Variants in PTPRG observed in about 807,000 individuals in gnomAD.
PTPRG encodes the protein receptor-type tyrosine-protein phosphatase gamma.
In PTPRG, 102 loss-of-function variants were observed where a neutral mutation model predicts 165.3. The ratio of observed to expected loss-of-function variants is 0.62; its 90% CI spans 0.53 to 0.73. The LOEUF is 0.73. Ranked by LOEUF, PTPRG falls within the 30% of genes least tolerant of loss-of-function variation. PTPRG has a pLI of 0.00. For synonymous variants in PTPRG, 675 were observed against 669.5 expected (o/e 1.01, Z -0.13); for missense variants, 1,866 against 1,861.4 (o/e 1.00, Z -0.05).
chr3:61,956,011 A>G (rs1413355815), intron 2 of PTPRG, among the ~76,000 whole-genome samples: 1 of 152,076 alleles, frequency 6.6e-6, no homozygotes, highest in Non-Finnish European at 1.5e-5. Context: ...CAAGTTCATT[A>G]TTTCTGGAGA....
chr3:62,040,027 G>T (rs1027394091), intron 4 of PTPRG, among the ~76,000 whole-genome samples: 2 of 152,146 alleles, frequency 1.3e-5, no homozygotes, highest in Non-Finnish European at 2.9e-5. Context: ...TTTTTTATAG[G>T]TAGTTACTTT....
intron 1 of PTPRG, among the ~76,000 whole-genome samples, chr3:61,671,975 T>C (rs77448848): frequency 0.15 from 2,396 of 15,860 alleles, no homozygotes; most frequent in East Asian, 0.26. Context: ...GGGTGGCTGC[T>C]GGGCGGAGGG....
At chr3:62,266,928 A>G (rs538723414) in intron 17 of PTPRG, among the ~76,000 whole-genome samples, 3 of 151,158 alleles carry the variant, frequency 2.0e-5, no homozygotes, top group African/African-American at 7.3e-5. Context: ...TAATGAGATT[A>G]CTCTTAACAA....
chr3:62,113,334 G>A (rs1182914596), intron 5 of PTPRG, among the ~76,000 whole-genome samples: 3 of 152,210 alleles, frequency 2.0e-5, no homozygotes, highest in Admixed American at 1.3e-4. Context: ...GCTGGAAACC[G>A]ATCAGCACCA....
chr3:61,776,421 C>T (rs1006079650), intron 2 of PTPRG, among the ~76,000 whole-genome samples: 1 of 152,046 alleles, frequency 6.6e-6, no homozygotes, highest in Non-Finnish European at 1.5e-5. Flanking sequence ...CCCTGCTGTG[C>T]GAAACACTCT....
intron 3 of PTPRG, among the ~76,000 whole-genome samples, chr3:62,001,386 C>G (rs1182551744): frequency 6.6e-6 from 1 of 152,142 alleles, no homozygotes. Context: ...TTATAAGATG[C>G]TGCTGATTCC....
At position 61,993,496 on chromosome 3, in the gene PTPRG, C is replaced by T. The variant is rs574359430; in HGVS notation, c.370+3692C>T. On this transcript the variant is annotated intron_variant, in intron 3 of 29. Transcript: ENST00000474889. Reference sequence around the variant, plus strand: ...TGCCTCCCAAAGTGCTGGGATTACACGCATGAGCCTCCGTGCCCGGCCCAC... The same window carrying T: ...TGCCTCCCAAAGTGCTGGGATTACATGCATGAGCCTCCGTGCCCGGCCCAC... 2.7e-3 allele frequency among the ~76,000 whole-genome samples: 405 copies of T among 151,980 alleles called. 2 individuals are homozygous for T. The highest frequency in any genetic ancestry group is 4.4e-3 in the Non-Finnish European group (297 of 67,964).
intron 1 of PTPRG, among the ~76,000 whole-genome samples, chr3:61,670,949 G>T (rs1449825724): frequency 1.3e-5 from 2 of 152,054 alleles, no homozygotes; most frequent in Admixed American, 6.6e-5. Context: ...AAGCCGGAGC[G>T]ATCAGGTTAG....
At position 62,059,175 on chromosome 3, in the gene PTPRG, G is replaced by A. The variant is rs377403010; in HGVS notation, c.520-18988G>A. Among the ~76,000 whole-genome samples, 92 of 152,268 alleles carry A rather than the reference G, an allele frequency of 6.0e-4. 1 individual carries two copies. Among genetic ancestry groups the A allele is most frequent in the African/African-American group, 2.1e-3 (87 of 41,556 alleles). On this transcript the variant is annotated intron_variant, in intron 4 of 29. Transcript: ENST00000474889. ...TAAAATGGGGATAATAGTAACACCC[G>A]CTATGTAGAATTGTCATGAAGATAA... is the stretch of plus-strand genomic sequence containing the variant.
chr3:61,824,083 C>T (rs67019815), intron 2 of PTPRG, among the ~76,000 whole-genome samples: 6,835 of 151,918 alleles, frequency 0.045, 271 homozygotes, highest in East Asian at 0.21. Flanking sequence ...AAGATCGCTC[C>T]ACTGCACTCC....
chr3:62,177,895 G>A (rs555382617), intron 8 of PTPRG, among the ~76,000 whole-genome samples: 6 of 152,270 alleles, frequency 3.9e-5, no homozygotes, highest in African/African-American at 1.4e-4. Flanking sequence ...TATGCGATAT[G>A]TGATTTTTCC....
chr3:61,911,400 CTA>C (rs2038801101), intron 2 of PTPRG, among the ~76,000 whole-genome samples: 1 of 152,106 alleles, frequency 6.6e-6, no homozygotes, highest in South Asian at 2.1e-4. Context: ...CTTTGGCTTC[CTA>C]TGTTATTTTT....
chr3:61,741,503 A>G (rs909920813), intron 1 of PTPRG, among the ~76,000 whole-genome samples: 1 of 152,218 alleles, frequency 6.6e-6, no homozygotes, highest in African/African-American at 2.4e-5. Flanking sequence ...GTCCTTTGGA[A>G]TGACCTAGAA....
At chr3:61,738,277 T>TATATATATATATGTATATAC (rs1559583122) in intron 1 of PTPRG, among the ~76,000 whole-genome samples, 1 of 99,178 alleles carries the variant, frequency 1.0e-5, no homozygotes, top group African/African-American at 3.7e-5. Flanking sequence ...TATATATATA[T>TATATATATATATGTATATAC]ACATATATAT....
intron 2 of PTPRG, among the ~76,000 whole-genome samples, chr3:61,888,018 A>G (rs548423987): frequency 2.0e-5 from 3 of 152,216 alleles, no homozygotes; most frequent in Non-Finnish European, 2.9e-5. Context: ...GCCAAAGTCA[A>G]AGACACAGAA....
chr3:61,609,311 T>C (rs6801715), intron 1 of PTPRG, among the ~76,000 whole-genome samples: 30,292 of 152,004 alleles, frequency 0.2, 3,630 homozygotes, highest in African/African-American at 0.33. Flanking sequence ...CATTTCTACG[T>C]ATCATCTTGG....
intron 8 of PTPRG, among the ~76,000 whole-genome samples, chr3:62,188,940 C>A (rs571169441): frequency 6.6e-6 from 1 of 152,204 alleles, no homozygotes; most frequent in Admixed American, 6.5e-5. Context: ...ATTTCCTGAT[C>A]TTTCCCCCGC....
intron 2 of PTPRG, among the ~76,000 whole-genome samples, chr3:61,966,507 C>T (rs1246330445): frequency 6.6e-6 from 1 of 152,202 alleles, no homozygotes; most frequent in Non-Finnish European, 1.5e-5. Context: ...GTGAGGTTGC[C>T]TTCTGGTGGC....
intron 4 of PTPRG, among the ~76,000 whole-genome samples, chr3:62,047,288 C>G (rs935667916): frequency 1.4e-5 from 1 of 72,744 alleles, no homozygotes; most frequent in Non-Finnish European, 3.4e-5. Context: ...GAGATGGAGT[C>G]TTGCTCTATC....
Sources: allele counts gnomAD v4.1 joint callset (sites outside exome capture counted in the v4.1 genomes callset), GRCh38; gene constraint gnomAD v4.1.1; transcripts MANE v1.5; gene names NCBI Gene and HGNC (gene_info 2026-07-23, HGNC 2026-07-21).